Variants in TSN observed in about 807,000 individuals in gnomAD.
TSN encodes component 3 of promoter of RISC.
Under a neutral mutation model 29.4 loss-of-function variants are expected in TSN, and 5 were observed. That is an observed-to-expected ratio of 0.17 (90% CI 0.09 to 0.36). The LOEUF is 0.36. Among genes scored for constraint, TSN ranks in the 10% least tolerant of loss-of-function variants. The pLI is 1.00. For missense variants in TSN, 159 were observed against 272.8 expected (o/e 0.58, Z 2.94); for synonymous variants, 106 against 102.2 (o/e 1.04, Z -0.23).
rs778393765 is a variant in TSN, at chr2:121,757,236, C to T, written c.67-4C>T. 6 of 1,612,790 alleles carry T rather than the reference C, an allele frequency of 3.7e-6. No individual in the cohort carries two copies. In the African/African-American group the frequency reaches 8.0e-5, roughly 22 times the overall value. On this transcript the variant is annotated splice_polypyrimidine_tract_variant and splice_region_variant and intron_variant, in intron 1 of 5. Transcript: ENST00000389682. Reference sequence around the variant, plus strand: ...ATCTGATTTTTATTTTTAATTCTCTCTAGGAAATCAGAAAAGTTGTACAGA... The same window carrying T: ...ATCTGATTTTTATTTTTAATTCTCTTTAGGAAATCAGAAAAGTTGTACAGA...
chr2:121,761,266 A>C lies in TSN; in HGVS notation c.258-143A>C, dbSNP rs918960914. On this transcript the variant is annotated intron_variant, in intron 3 of 5. Transcript: ENST00000389682. Reference sequence around the variant, plus strand: ...TTGTAAAATTAATGCTAAATGTCATATTTCTCTTTATATATTGGGGGTTTG... The same window carrying C: ...TTGTAAAATTAATGCTAAATGTCATCTTTCTCTTTATATATTGGGGGTTTG... 5 of 615,622 alleles carry C rather than the reference A, an allele frequency of 8.1e-6. No homozygotes were observed. In the East Asian group the frequency reaches 1.4e-4, roughly 17 times the overall value. The allele number at this position is 615,622 out of a possible 1,614,324, so 38.1% of individuals were successfully genotyped here.
Position 121,763,174 on chromosome 2 carries a change from G to A in TSN, c.453+90G>A, listed in dbSNP as rs287796. ...TTTTTTTTTTTTGAGACAGAGTCCC[G>A]CTCTGTCGCCTAGGCTGGAGTGCAG... On this transcript the variant is annotated intron_variant, in intron 5 of 5. Transcript: ENST00000389682. 4,142 of 918,158 alleles carry A rather than the reference G, an allele frequency of 4.5e-3. 76 individuals carry two copies. In the African/African-American group the frequency reaches 0.051, roughly 11 times the overall value. 56.9% of individuals were successfully genotyped at this position (918,158 alleles called of 1,614,324 possible).
chr2:121,763,786 G>T (rs148518580), intron 5 of TSN, among the ~76,000 whole-genome samples: 3,467 of 150,938 alleles, frequency 0.023, 49 homozygotes, highest in South Asian at 0.033. Flanking sequence ...AAAGTCTAAA[G>T]AAAAAAAAAG....
Position 121,763,367 on chromosome 2 carries a change from G to C in TSN, c.453+283G>C, listed in dbSNP as rs534266535. 6.7e-4 allele frequency among the ~76,000 whole-genome samples: 102 copies of C among 152,118 alleles called. 1 individual carries two copies. The highest frequency in any genetic ancestry group is 2.4e-3 in the African/African-American group (98 of 41,480). ...TCACCGTGTTAGCCAGGATGGTCTC[G>C]ATCTCCTGACCTCGTGATCCGCCCA... On this transcript the variant is annotated intron_variant, in intron 5 of 5. Coordinates refer to ENST00000389682, the MANE Select transcript of TSN (RefSeq NM_004622.3).
Position 121,755,749 on chromosome 2 carries a change from T to C in TSN, c.-31T>C. 1.2e-6 allele frequency: 2 copies of C among 1,612,500 alleles called. No homozygotes were observed. The highest frequency in any genetic ancestry group is 1.7e-6 in the Non-Finnish European group (2 of 1,179,980). Reference sequence around the variant, plus strand: ...CGTCCACTTCCTTGGCCGCCCTTGCTACACTGGCTGATTGTTGTGCAGCCG... The same window carrying C: ...CGTCCACTTCCTTGGCCGCCCTTGCCACACTGGCTGATTGTTGTGCAGCCG... On this transcript the variant is annotated 5_prime_UTR_variant, in exon 1 of 6. Transcript: ENST00000389682.
intron 5 of TSN, among the ~76,000 whole-genome samples, chr2:121,763,459 A>T (rs1246592897): frequency 6.6e-6 from 1 of 152,068 alleles, no homozygotes; most frequent in Non-Finnish European, 1.5e-5. Flanking sequence ...GTCTGTTTTT[A>T]AAATGGGTAC....
chr2:121,760,313 G>A (rs912284821), intron 3 of TSN, among the ~76,000 whole-genome samples: 7 of 152,088 alleles, frequency 4.6e-5, no homozygotes, highest in Admixed American at 1.3e-4. Context: ...GAAACCATCC[G>A]CCCCCCTTCT....
chr2:121,756,024 T>C, intron 1 of TSN, 179 bp downstream of exon 1: 1 of 1,295,902 alleles, frequency 7.7e-7, no homozygotes, highest in Non-Finnish European at 1.0e-6. Context: ...TGCTCTGTCC[T>C]GATTCCCCGT....
chr2:121,757,503 A>G (rs1370385538), intron 2 of TSN, 170 bp downstream of exon 2: 4 of 1,319,744 alleles, frequency 3.0e-6, no homozygotes, highest in Non-Finnish European at 4.2e-6. Context: ...TCCACACAGT[A>G]TGGTTTAAAC....
chr2:121,759,724 T>G (rs529114426), intron 3 of TSN, among the ~76,000 whole-genome samples: 164 of 152,326 alleles, frequency 1.1e-3, no homozygotes, highest in African/African-American at 3.8e-3. Flanking sequence ...ATTTTCTTAC[T>G]GAAAAAGATG....
chr2:121,765,384 C>T lies in TSN; in HGVS notation c.*17C>T. The T allele has an allele frequency of 6.2e-7, 1 of 1,612,554 alleles. No homozygotes were observed. Among genetic ancestry groups the T allele is most frequent in the Non-Finnish European group, 8.5e-7 (1 of 1,178,680 alleles). On this transcript the variant is annotated 3_prime_UTR_variant, in exon 6 of 6. Coordinates refer to ENST00000389682, the MANE Select transcript of TSN (RefSeq NM_004622.3). ...GAAAAATAGGAGGCTCTCCTTGCTC[C>T]TGGCCTTGCTGACCTCAGCGGTTGC...
chr2:121,763,212 G>A (rs751224955), intron 5 of TSN, 128 bp downstream of exon 5: 16 of 604,324 alleles, frequency 2.6e-5, no homozygotes, highest in Admixed American at 4.3e-5. Flanking sequence ...GCGCAATCTC[G>A]GCTCACTGCA....
intron 3 of TSN, among the ~76,000 whole-genome samples, chr2:121,759,667 T>TA (rs984616417): frequency 1.3e-5 from 2 of 152,152 alleles, no homozygotes; most frequent in African/African-American, 4.8e-5. Context: ...TCATAGGTGT[T>TA]AAACTGGGAA....
intron 3 of TSN, among the ~76,000 whole-genome samples, chr2:121,760,871 CTT>C (rs187719044): frequency 9.8e-5 from 13 of 132,844 alleles, no homozygotes; most frequent in Middle Eastern, 3.4e-3. Flanking sequence ...TTTTTTCTGT[CTT>C]TTTTTTTTTT....
chr2:121,765,352 T>G lies in TSN; in HGVS notation c.672T>G (p.Ala224=). 6.2e-7 allele frequency: 1 copy of G among 1,614,160 alleles called. No individual in the cohort carries two copies. Residue 224 remains alanine, a synonymous_variant, in exon 6 of 6, where the codon GCT becomes GCG. Transcript: ENST00000389682. ...GCTTTAATAAGGAGACGGCAGCAGC[T>G]TGTGTTGAAAAATAGGAGGCTCTCC... ...IRGFNKETAA[A]CVEK
intron 5 of TSN, among the ~76,000 whole-genome samples, chr2:121,764,087 G>GTACAC (rs1208613620): frequency 6.6e-6 from 1 of 152,180 alleles, no homozygotes; most frequent in Admixed American, 6.6e-5. Context: ...CTTTGAAGTT[G>GTACAC]TACACACAAC....
intron 5 of TSN, among the ~76,000 whole-genome samples, chr2:121,763,769 C>T (rs1268468884): frequency 1.3e-5 from 2 of 152,084 alleles, no homozygotes; most frequent in Non-Finnish European, 2.9e-5. Flanking sequence ...AGGGAAATTG[C>T]CCTGTAAAAG....
chr2:121,759,905 A>G (rs2074800310), intron 3 of TSN, among the ~76,000 whole-genome samples: 1 of 152,230 alleles, frequency 6.6e-6, no homozygotes, highest in Non-Finnish European at 1.5e-5. Context: ...TAAAAAAAAG[A>G]AAATCCCAGA....
intron 3 of TSN, among the ~76,000 whole-genome samples, chr2:121,760,871 C>CTT (rs187719044): frequency 0.014 from 1,898 of 132,820 alleles, 76 homozygotes; most frequent in African/African-American, 0.044. Context: ...TTTTTTCTGT[C>CTT]TTTTTTTTTT....
Sources: allele counts gnomAD v4.1 joint callset (sites outside exome capture counted in the v4.1 genomes callset), GRCh38; gene constraint gnomAD v4.1.1; transcripts MANE v1.5; gene names NCBI Gene and HGNC (gene_info 2026-07-23, HGNC 2026-07-21).